ARMC2: variants seen among roughly 807,000 people sequenced by gnomAD.
ARMC2 encodes armadillo repeat-containing protein 2.
ARMC2 carries 67 observed loss-of-function variants against 90.3 expected under a neutral mutation model. The ratio of observed to expected loss-of-function variants is 0.74; its 90% CI spans 0.61 to 0.91. The LOEUF (loss-of-function observed/expected upper bound fraction) is 0.91, where lower values mean the gene tolerates loss of function less well. ARMC2 is among the 40% of genes least tolerant of loss of function. The pLI is 0.00. For synonymous variants in ARMC2, 393 were observed against 393.0 expected, an observed-to-expected ratio of 1.00 and a Z score of 0.00; for missense variants, 920 against 1,030.9, an observed-to-expected ratio of 0.89 and a Z score of 1.47.
Position 108,932,567 on chromosome 6 carries a change from C to T in ARMC2, c.1497-4333C>T, listed in dbSNP as rs1224863152. Reference sequence around the variant, plus strand: ...TTGTTGAGACGGAGTCTTGCTCTGTCGCCCAGGCTGGAGGGCAGTGGCGCG... The same window carrying T: ...TTGTTGAGACGGAGTCTTGCTCTGTTGCCCAGGCTGGAGGGCAGTGGCGCG... On this transcript the variant is annotated intron_variant, in intron 11 of 17. Coordinates refer to ENST00000392644, the MANE Select transcript of ARMC2 (RefSeq NM_032131.6). Among the ~76,000 whole-genome samples, 79 of 129,588 alleles carry T rather than the reference C, an allele frequency of 6.1e-4. 1 individual carries two copies. The highest frequency in any genetic ancestry group is 2.2e-3 in the African/African-American group (70 of 32,182). The allele number at this position is 129,588 out of a possible 152,430, so 85.0% of individuals were successfully genotyped here.
At chr6:109,011,735 C>T in the ARMC2 span, among the ~76,000 whole-genome samples, 1 of 150,582 alleles carries the variant, frequency 6.6e-6, no homozygotes, top group African/African-American at 2.4e-5. Flanking sequence ...CTCAAGTGAT[C>T]CTCCCACCTC....
intron 5 of ARMC2, among the ~76,000 whole-genome samples, chr6:108,887,431 A>G (rs1354596422): frequency 2.0e-5 from 3 of 152,130 alleles, no homozygotes; most frequent in Non-Finnish European, 4.4e-5. Context: ...TTTGCTCTTA[A>G]ACATGTGGGC....
intron 4 of ARMC2, among the ~76,000 whole-genome samples, chr6:108,872,891 G>T (rs1195697575): frequency 1.3e-5 from 2 of 152,198 alleles, no homozygotes; most frequent in Non-Finnish European, 2.9e-5. Flanking sequence ...GGGAAACACT[G>T]CCTACCCCTC....
intron 12 of ARMC2, 56 bp downstream of exon 12, chr6:108,937,055 T>A (rs2128492698): frequency 1.4e-6 from 2 of 1,400,122 alleles, no homozygotes; most frequent in Non-Finnish European, 2.0e-6. Context: ...TGTGTTTGTG[T>A]AAGCCCATGT....
At chr6:108,980,573 C>T in the ARMC2 span, among the ~76,000 whole-genome samples, 3 of 151,154 alleles carry the variant, frequency 2.0e-5, no homozygotes, top group African/African-American at 7.3e-5. Flanking sequence ...CAGGCAGGGA[C>T]GTTTAAGTTT....
intron 7 of ARMC2, among the ~76,000 whole-genome samples, chr6:108,902,698 G>A (rs563251600): frequency 4.3e-4 from 65 of 152,280 alleles, no homozygotes; most frequent in Middle Eastern, 3.4e-3. Flanking sequence ...TCCTTCTGCA[G>A]GCACACACTT....
At chr6:108,893,013 A>T (rs755452890) in intron 5 of ARMC2, among the ~76,000 whole-genome samples, 13 of 152,174 alleles carry the variant, frequency 8.5e-5, no homozygotes, top group Non-Finnish European at 1.0e-4. Context: ...AGAAATTTTG[A>T]TATAAAACTT....
chr6:108,912,816 G>T (rs1773573461), intron 10 of ARMC2, among the ~76,000 whole-genome samples: 1 of 152,190 alleles, frequency 6.6e-6, no homozygotes, highest in South Asian at 2.1e-4. Flanking sequence ...AGCAGGCCTG[G>T]AAGAAGGAAA....
chr6:108,971,082 G>C lies in ARMC2; in HGVS notation c.2447-2275G>C, dbSNP rs76814704. Among the ~76,000 whole-genome samples the C allele has an allele frequency of 6.6e-4, 100 of 152,154 alleles. 1 individual carries two copies. The highest frequency in any genetic ancestry group is 2.2e-3 in the African/African-American group (92 of 41,504). On this transcript the variant is annotated intron_variant, in intron 17 of 17. Coordinates refer to ENST00000392644, the MANE Select transcript of ARMC2 (RefSeq NM_032131.6). Reference sequence around the variant, plus strand: ...TACTAAAAACACAAAAAATTAGCCTGGTCTGGTGGCACATGCCTGTAGTCC... The same window carrying C: ...TACTAAAAACACAAAAAATTAGCCTCGTCTGGTGGCACATGCCTGTAGTCC...
At chr6:108,981,478 C>A in the ARMC2 span, among the ~76,000 whole-genome samples, 469 of 152,228 alleles carry the variant, frequency 3.1e-3, no homozygotes, top group African/African-American at 0.01. Context: ...CCCATTTTCA[C>A]CCCCACCAGC....
the ARMC2 span, among the ~76,000 whole-genome samples, chr6:109,028,610 T>C: frequency 6.6e-6 from 1 of 152,214 alleles, no homozygotes; most frequent in African/African-American, 2.4e-5. Flanking sequence ...TTAAACAAGA[T>C]GGTTCTACTT....
chr6:109,022,681 T>C, the ARMC2 span, among the ~76,000 whole-genome samples: 26 of 152,184 alleles, frequency 1.7e-4, no homozygotes, highest in South Asian at 2.1e-3. Context: ...CCCAAAGTGC[T>C]GGGATTACAG....
At chr6:108,876,104 A>G (rs1776903696) in intron 4 of ARMC2, 39 bp from the exon 5 acceptor site, 1 of 1,478,856 alleles carries the variant, frequency 6.8e-7, no homozygotes, top group Non-Finnish European at 9.2e-7. Context: ...TCCTAAAATA[A>G]GAATACTTCA....
chr6:108,899,181 C>T (rs544682609), intron 6 of ARMC2, among the ~76,000 whole-genome samples: 15 of 152,230 alleles, frequency 9.9e-5, no homozygotes, highest in Admixed American at 7.2e-4. Context: ...TTGTCAGCCC[C>T]GAAGGCCCAG....
chr6:108,913,260 G>A (rs1053517545), intron 10 of ARMC2, among the ~76,000 whole-genome samples: 5 of 152,110 alleles, frequency 3.3e-5, no homozygotes, highest in South Asian at 2.1e-4. Flanking sequence ...CATAGGATTC[G>A]AAATGTGTTT....
At chr6:109,002,400 G>C in the ARMC2 span, 1 of 1,405,286 alleles carries the variant, frequency 7.1e-7, no homozygotes, top group South Asian at 1.2e-5. Context: ...ATGAACTGAG[G>C]CTAAAGGAAT....
rs1443437086 is a variant in ARMC2, at chr6:108,946,900, G to A, written c.1597-6133G>A. ...GTACGGGAGGAAGGGTGTGGGAGTCGGGGAGGAATGTGTTCACTGTGGCTG... is the reference window on the plus strand; with the variant it reads ...GTACGGGAGGAAGGGTGTGGGAGTCAGGGAGGAATGTGTTCACTGTGGCTG... On this transcript the variant is annotated intron_variant, in intron 12 of 17. Coordinates refer to ENST00000392644, the MANE Select transcript of ARMC2 (RefSeq NM_032131.6). Among the ~76,000 whole-genome samples the A allele has an allele frequency of 2.0e-5, 3 of 152,192 alleles. No homozygotes were observed. The South Asian group carries it at 6.2e-4, about 32-fold the overall frequency.
chr6:108,876,112 T>G (rs769347356), intron 4 of ARMC2, 31 bp from the exon 5 acceptor site: 2 of 1,527,650 alleles, frequency 1.3e-6, no homozygotes, highest in Non-Finnish European at 1.8e-6. Flanking sequence ...TAAGAATACT[T>G]CAACAAAATA....
At chr6:109,030,353 A>G in the ARMC2 span, among the ~76,000 whole-genome samples, 111 of 152,350 alleles carry the variant, frequency 7.3e-4, no homozygotes, top group Non-Finnish European at 1.5e-3. Context: ...TCAAGGCTCT[A>G]TGTCCAGAGC....
Sources: gnomAD v4.1 joint callset for allele counts (sites outside exome capture counted in the v4.1 genomes callset) on GRCh38, gnomAD v4.1.1 for gene constraint, MANE v1.5 for transcripts, NCBI Gene and HGNC (gene_info 2026-07-23, HGNC 2026-07-21) for gene names.